Variants in MECOM observed in about 807,000 individuals in gnomAD.
MECOM encodes histone-lysine N-methyltransferase MECOM.
In MECOM, 13 loss-of-function variants were observed where a neutral mutation model predicts 116.3. That is an observed-to-expected ratio of 0.11 (90% CI 0.07 to 0.18). MECOM has a LOEUF of 0.18. Among genes scored for constraint, MECOM ranks in the 10% least tolerant of loss-of-function variants. The pLI is 1.00. For synonymous variants in MECOM, 528 were observed against 535.2 expected, an observed-to-expected ratio of 0.99 and a Z score of 0.19; for missense variants, 1,299 against 1,509.0, an observed-to-expected ratio of 0.86 and a Z score of 2.31.
At chr3:169,532,709 G>A (rs1293274370) in intron 1 of MECOM, among the ~76,000 whole-genome samples, 1 of 152,186 alleles carries the variant, frequency 6.6e-6, no homozygotes, top group African/African-American at 2.4e-5. Flanking sequence ...GTTGCCCTCA[G>A]TGTGATTTTT....
At chr3:169,378,505 GAAAGAAAGAAAA>G (rs1731699706) in intron 2 of MECOM, among the ~76,000 whole-genome samples, 1 of 23,408 alleles carries the variant, frequency 4.3e-5, no homozygotes, top group African/African-American at 2.7e-4. Context: ...AAGAAAGAAA[GAAAGAAAGAAAA>G]GAAAGAAAGA....
intron 2 of MECOM, among the ~76,000 whole-genome samples, chr3:169,297,803 A>T (rs1174557671): frequency 2.0e-5 from 3 of 152,226 alleles, no homozygotes; most frequent in Non-Finnish European, 4.4e-5. Flanking sequence ...GCAAATGTGC[A>T]AACTTTCAGG....
At chr3:169,628,112 C>T (rs965848509) in intron 1 of MECOM, among the ~76,000 whole-genome samples, 6 of 152,170 alleles carry the variant, frequency 3.9e-5, no homozygotes, top group Non-Finnish European at 5.9e-5. Flanking sequence ...TGTCACCTGC[C>T]ACCTGTGAAA....
intron 1 of MECOM, chr3:169,472,942 C>T: frequency 1.0e-6 from 1 of 979,872 alleles, no homozygotes; most frequent in Non-Finnish European, 1.2e-6. Context: ...TACTAGGCCC[C>T]TACTTTGTCC....
rs1553860382 is a variant in MECOM at position 169,149,975 on chromosome 3, G to GTC, written c.376-6144_376-6143insGA. On this transcript the variant is annotated intron_variant, in intron 2 of 16. Transcript: ENST00000651503. The stretch of plus-strand genomic sequence containing the variant: ...TGTGTGTGTGTGTGTGTGTGTGTGT[G>GTC]TGTCTGTCTGTCTGTCTGTCTGTCT... Among the ~76,000 whole-genome samples, 691 of 100,408 alleles carry GTC rather than the reference G, an allele frequency of 6.9e-3. 3 individuals are homozygous for GTC. The highest frequency in any genetic ancestry group is 0.018 in the African/African-American group (535 of 29,152). 65.9% of individuals were successfully genotyped at this position (100,408 alleles called of 152,430 possible). A position where few individuals can be genotyped will look rare whatever the true frequency, so the allele number is the denominator to read the frequency against.
At chr3:169,376,456 A>G (rs1731055621) in intron 2 of MECOM, among the ~76,000 whole-genome samples, 1 of 152,182 alleles carries the variant, frequency 6.6e-6, no homozygotes, top group Non-Finnish European at 1.5e-5. Context: ...AAAACTCCTT[A>G]AGGTGAAAAG....
In MECOM at chr3:169,293,987, A is replaced by ATTTCC. The variant is rs1421826600; in HGVS notation, c.375+87195_375+87199dup. Reference sequence around the variant, plus strand: ...TTCTATCATTTTGCCTAATTCTAACATTTCCTCTTTCTAACCTTGCTCTAT... The same window carrying ATTTCC: ...TTCTATCATTTTGCCTAATTCTAACATTTCCTTTCCTCTTTCTAACCTTGCTCTAT... On this transcript the variant is annotated intron_variant, in intron 2 of 16. Transcript: ENST00000651503. 7.2e-5 allele frequency among the ~76,000 whole-genome samples: 11 copies of ATTTCC among 152,214 alleles called. No individual in the cohort carries two copies. In the East Asian group the frequency reaches 2.1e-3, roughly 29 times the overall value.
chr3:169,191,753 A>AGAAAGAAAGAAAGAAC (rs1747686933), intron 2 of MECOM, among the ~76,000 whole-genome samples: 1 of 130,872 alleles, frequency 7.6e-6, no homozygotes, highest in African/African-American at 2.8e-5. Flanking sequence ...AAAGAAAGAA[A>AGAAAGAAAGAAAGAAC]GAAAGAAAGA....
At chr3:169,605,955 T>C (rs970562526) in intron 1 of MECOM, among the ~76,000 whole-genome samples, 2 of 152,148 alleles carry the variant, frequency 1.3e-5, no homozygotes, top group Admixed American at 1.3e-4. Flanking sequence ...GAGATGACTC[T>C]GTAAAGAAAC....
At chr3:169,128,166 C>A (rs946297161) in intron 4 of MECOM, 106 bp from the exon 5 acceptor site, 2 of 919,182 alleles carry the variant, frequency 2.2e-6, no homozygotes, top group Non-Finnish European at 3.5e-6. Context: ...ATTTGATTGT[C>A]ATTTCTATCT....
At chr3:169,555,414 C>T (rs1042644560) in intron 1 of MECOM, among the ~76,000 whole-genome samples, 6 of 152,122 alleles carry the variant, frequency 3.9e-5, no homozygotes, top group Non-Finnish European at 7.3e-5. Context: ...GCCAGCCCCC[C>T]GCCAATGGAG....
chr3:169,407,249 T>C (rs1196276059), intron 1 of MECOM, among the ~76,000 whole-genome samples: 2 of 152,186 alleles, frequency 1.3e-5, no homozygotes, highest in Non-Finnish European at 1.5e-5. Context: ...AACTAATATG[T>C]TTCTTTCCTT....
At chr3:169,625,261 A>G (rs1168392794) in intron 1 of MECOM, among the ~76,000 whole-genome samples, 2 of 152,112 alleles carry the variant, frequency 1.3e-5, no homozygotes, top group African/African-American at 2.4e-5. Flanking sequence ...AAATTTTCCA[A>G]TGGAATGTGT....
intron 1 of MECOM, among the ~76,000 whole-genome samples, chr3:169,517,759 C>T (rs1160272160): frequency 2.0e-5 from 3 of 152,136 alleles, no homozygotes; most frequent in Non-Finnish European, 4.4e-5. Context: ...CAAGGATTTC[C>T]ATCCATTGAT....
At chr3:169,287,209 G>T (rs941414974) in intron 2 of MECOM, among the ~76,000 whole-genome samples, 1 of 152,134 alleles carries the variant, frequency 6.6e-6, no homozygotes, top group African/African-American at 2.4e-5. Flanking sequence ...AACAGGTAAG[G>T]CCTCCAGGAA....
rs533947181 is a variant in MECOM, at chr3:169,316,931, T to A, written c.375+64256A>T. ...AAAAATCCTGCCCATTATTCCTCAT[T>A]TACATCTGTCTATCTTAGAATTCTC... On this transcript the variant is annotated intron_variant, in intron 2 of 16. Transcript: ENST00000651503. Among the ~76,000 whole-genome samples the A allele has an allele frequency of 9.2e-5, 14 of 152,324 alleles. No homozygotes were observed. In the East Asian group the frequency reaches 2.7e-3, roughly 29 times the overall value.
At chr3:169,525,003 TAATC>T (rs1757802330) in intron 1 of MECOM, among the ~76,000 whole-genome samples, 2 of 152,076 alleles carry the variant, frequency 1.3e-5, no homozygotes, top group Non-Finnish European at 2.9e-5. Flanking sequence ...ATTGTGAGAT[TAATC>T]TGTCCCTGAT....
At chr3:169,601,334 T>G (rs987650519) in intron 1 of MECOM, among the ~76,000 whole-genome samples, 1 of 152,240 alleles carries the variant, frequency 6.6e-6, no homozygotes, top group Non-Finnish European at 1.5e-5. Context: ...CTGGAGGTTC[T>G]GCCGAATATG....
intron 1 of MECOM, among the ~76,000 whole-genome samples, chr3:169,410,411 T>C (rs1242285389): frequency 6.6e-6 from 1 of 152,204 alleles, no homozygotes; most frequent in African/African-American, 2.4e-5. Context: ...CTCATTGACA[T>C]GGCCTTTGGC....
Sources: allele counts gnomAD v4.1 joint callset (sites outside exome capture counted in the v4.1 genomes callset), GRCh38; gene constraint gnomAD v4.1.1; transcripts MANE v1.5; gene names NCBI Gene and HGNC (gene_info 2026-07-23, HGNC 2026-07-21).